SOX6: variants seen among roughly 807,000 people sequenced by gnomAD.
The protein encoded by SOX6 is transcription factor SOX-6.
Under a neutral mutation model 97.8 loss-of-function variants are expected in SOX6, and 11 were observed. That is an observed-to-expected ratio of 0.11 (90% CI 0.07 to 0.19). The LOEUF (loss-of-function observed/expected upper bound fraction) is 0.19. SOX6 is among the 10% of genes least tolerant of loss of function. The probability of loss-of-function intolerance (pLI) is 1.00; values close to 1 mark genes in which losing one functional copy is unlikely to be tolerated. For missense variants in SOX6, 810 were observed against 1,039.5 expected (o/e 0.78, Z 3.04); for synonymous variants, 360 against 371.4 (o/e 0.97, Z 0.35).
intron 4 of SOX6, among the ~76,000 whole-genome samples, chr11:16,522,378 C>G (rs182356805): frequency 3.6e-4 from 55 of 152,138 alleles, no homozygotes; most frequent in African/African-American, 1.1e-3. Context: ...TCCAGCCAAA[C>G]TAAGCTTCAT....
intron 13 of SOX6, among the ~76,000 whole-genome samples, chr11:16,010,677 G>A (rs1049952123): frequency 6.6e-6 from 1 of 151,966 alleles, no homozygotes; most frequent in Admixed American, 6.6e-5. Context: ...GGGGAAAGGA[G>A]AGCAGAGAGA....
At chr11:15,999,318 C>G (rs949719492) in intron 13 of SOX6, among the ~76,000 whole-genome samples, 1 of 152,046 alleles carries the variant, frequency 6.6e-6, no homozygotes, top group African/African-American at 2.4e-5. Flanking sequence ...CATTTTCTGG[C>G]AATTTCTTCT....
At chr11:16,016,298 C>G (rs1373540372) in intron 12 of SOX6, among the ~76,000 whole-genome samples, 1 of 151,980 alleles carries the variant, frequency 6.6e-6, no homozygotes. Context: ...TCTTCCAGTT[C>G]CCCTTCGTCA....
chr11:16,323,956 G>A (rs371457140), intron 2 of SOX6, among the ~76,000 whole-genome samples: 1 of 151,972 alleles, frequency 6.6e-6, no homozygotes, highest in African/African-American at 2.4e-5. Flanking sequence ...AGTCAAGCAG[G>A]AGGATCACTT....
intron 1 of SOX6, among the ~76,000 whole-genome samples, chr11:16,371,267 C>A (rs1354448691): frequency 6.6e-6 from 1 of 152,090 alleles, no homozygotes; most frequent in Non-Finnish European, 1.5e-5. Flanking sequence ...AATGCTCTTC[C>A]CCCAGATATC....
At chr11:16,217,318 G>GT (rs1379648496) in intron 4 of SOX6, among the ~76,000 whole-genome samples, 1 of 152,096 alleles carries the variant, frequency 6.6e-6, no homozygotes, top group African/African-American at 2.4e-5. Context: ...AGTAGAGGTG[G>GT]TTTTACTAAC....
chr11:16,383,110 AAT>A (rs1041138602), intron 1 of SOX6, among the ~76,000 whole-genome samples: 1 of 151,936 alleles, frequency 6.6e-6, no homozygotes, highest in African/African-American at 2.4e-5. Context: ...TGAGTCATGA[AAT>A]AGAGACTTCT....
chr11:16,528,809 AC>A (rs1861201833), intron 4 of SOX6, among the ~76,000 whole-genome samples: 1 of 152,016 alleles, frequency 6.6e-6, no homozygotes, highest in Non-Finnish European at 1.5e-5. Flanking sequence ...TCAGGGGAAA[AC>A]TTTTTAGACT....
chr11:16,472,695 T>G (rs1193133441), intron 1 of SOX6, among the ~76,000 whole-genome samples: 1 of 152,110 alleles, frequency 6.6e-6, no homozygotes, highest in African/African-American at 2.4e-5. Context: ...TGGTTCAAAA[T>G]GCCTATCCTA....
intron 4 of SOX6, among the ~76,000 whole-genome samples, chr11:16,197,976 C>T (rs1382627574): frequency 1.3e-5 from 2 of 152,160 alleles, no homozygotes; most frequent in African/African-American, 4.8e-5. Flanking sequence ...CCTATTCTCA[C>T]ACTAGGACAT....
At chr11:16,626,019 T>C (rs1041206586) in intron 3 of SOX6, among the ~76,000 whole-genome samples, 2 of 152,210 alleles carry the variant, frequency 1.3e-5, no homozygotes, top group Admixed American at 6.5e-5. Flanking sequence ...ACAACTGGTG[T>C]CTGAGGTGGT....
intron 9 of SOX6, among the ~76,000 whole-genome samples, chr11:16,081,734 G>T (rs565107256): frequency 6.6e-6 from 1 of 152,264 alleles, no homozygotes; most frequent in African/African-American, 2.4e-5. Context: ...AGACAAAAGT[G>T]TCTATTTTAT....
chr11:16,555,773 A>C (rs1847742382), intron 4 of SOX6, among the ~76,000 whole-genome samples: 1 of 151,728 alleles, frequency 6.6e-6, no homozygotes, highest in Admixed American at 6.6e-5. Flanking sequence ...ATTAATAAGC[A>C]GAAGTGCCTT....
intron 1 of SOX6, among the ~76,000 whole-genome samples, chr11:16,383,051 A>C (rs554835435): frequency 1.3e-5 from 2 of 152,042 alleles, no homozygotes; most frequent in African/African-American, 4.8e-5. Flanking sequence ...CTTCTGTGTA[A>C]GTATCTTTTG....
chr11:16,592,351 GC>G (rs1848163888), intron 4 of SOX6, among the ~76,000 whole-genome samples: 1 of 149,286 alleles, frequency 6.7e-6, no homozygotes. Context: ...CCCAAGTTAT[GC>G]CCCTTTGACC....
chr11:16,519,591 T>C (rs146585194), intron 4 of SOX6, among the ~76,000 whole-genome samples: 2 of 152,258 alleles, frequency 1.3e-5, no homozygotes, highest in African/African-American at 4.8e-5. Flanking sequence ...ATTTTCTTTA[T>C]CCAATCAACC....
chr11:16,182,631 A>T (rs1851373750), intron 6 of SOX6, among the ~76,000 whole-genome samples: 1 of 151,960 alleles, frequency 6.6e-6, no homozygotes, highest in South Asian at 2.1e-4. Context: ...CTATATTTGG[A>T]CTTTTTATTT....
chr11:16,015,626 A>T (rs1854861574), intron 12 of SOX6, among the ~76,000 whole-genome samples: 1 of 152,036 alleles, frequency 6.6e-6, no homozygotes, highest in Admixed American at 6.6e-5. Flanking sequence ...CTAGCCAGCC[A>T]TGGAGCCAGG....
intron 3 of SOX6, among the ~76,000 whole-genome samples, chr11:16,282,067 G>A (rs1253172688): frequency 6.7e-6 from 1 of 148,546 alleles, no homozygotes; most frequent in African/African-American, 2.5e-5. Flanking sequence ...GACATACAAT[G>A]CACACTAGAT....
Sources: gnomAD v4.1 joint callset for allele counts (sites outside exome capture counted in the v4.1 genomes callset) on GRCh38, gnomAD v4.1.1 for gene constraint, MANE v1.5 for transcripts, NCBI Gene and HGNC (gene_info 2026-07-23, HGNC 2026-07-21) for gene names.